Variants in ECE1 observed in about 807,000 individuals in gnomAD.
The protein encoded by ECE1 is endothelin-converting enzyme 1.
In ECE1, 35 loss-of-function variants were observed where a neutral mutation model predicts 98.6. That is an observed-to-expected ratio of 0.35 (90% CI 0.27 to 0.47). ECE1 has a LOEUF of 0.47. Ranked by LOEUF, ECE1 falls within the 20% of genes least tolerant of loss-of-function variation. The probability of loss-of-function intolerance (pLI) is 1.00; values close to 1 mark genes in which losing one functional copy is unlikely to be tolerated. For synonymous variants in ECE1, 394 were observed against 407.1 expected (o/e 0.97, Z 0.39); for missense variants, 814 against 1,025.3 (o/e 0.79, Z 2.81).
intron 1 of ECE1, among the ~76,000 whole-genome samples, chr1:21,326,768 GC>G (rs1363890968): frequency 3.9e-5 from 6 of 152,148 alleles, no homozygotes; most frequent in Non-Finnish European, 8.8e-5. Flanking sequence ...TAAGACAGCA[GC>G]CAGCAGCCTG....
Position 21,333,258 on chromosome 1 carries a change from T to C in ECE1, c.3+12118A>G, listed in dbSNP as rs753423872. On this transcript the variant is annotated intron_variant, in intron 1 of 18. Coordinates refer to the ECE1 transcript ENST00000415912. ...GCTGCCCAGTTTTTCACCCGGGACC[T>C]GCACTTAGTGCCTCCGCCTCCCCCA... 3.4e-5 allele frequency among the ~76,000 whole-genome samples: 5 copies of C among 146,840 alleles called. No homozygotes were observed. The Admixed American group carries it at 3.4e-4, about 10-fold the overall frequency.
intron 1 of ECE1, among the ~76,000 whole-genome samples, chr1:21,324,382 G>A (rs561044327): frequency 6.6e-6 from 1 of 152,310 alleles, no homozygotes; most frequent in Admixed American, 6.5e-5. Flanking sequence ...CCATCAGTGC[G>A]GGACTGACAG....
intron 14 of ECE1, among the ~76,000 whole-genome samples, chr1:21,228,419 G>GA (rs774899591): frequency 6.6e-6 from 1 of 152,134 alleles, no homozygotes; most frequent in Non-Finnish European, 1.5e-5. Context: ...TATAAATAAG[G>GA]AATCAGTTAA....
chr1:21,236,150 T>G (rs1558374644), intron 12 of ECE1, among the ~76,000 whole-genome samples: 1 of 152,272 alleles, frequency 6.6e-6, no homozygotes, highest in Admixed American at 6.5e-5. Context: ...AAGTCTTCCC[T>G]GACTCCCATC....
At position 21,345,158 on chromosome 1, in the gene ECE1, G is replaced by A. The variant is rs1639474169; in HGVS notation, c.3+218C>T. ...GACCAGAACCAAGCTCGGCGCGGCC[G>A]CCCCCGACGGGACCAAGCGCAGCGC... On this transcript the variant is annotated intron_variant, in intron 1 of 18. Transcript: ENST00000415912. This position sits in a 1 kb window ranked among gnomAD's most constrained non-coding sequence, Gnocchi z 5.1. 1.3e-5 allele frequency: 6 copies of A among 472,642 alleles called. No individual in the cohort carries two copies. Among genetic ancestry groups the A allele is most frequent in the Non-Finnish European group, 1.8e-5 (6 of 333,516 alleles). 29.3% of individuals were successfully genotyped at this position (472,642 alleles called of 1,614,324 possible).
At chr1:21,279,570 G>C (rs542928472) in intron 2 of ECE1, 3 of 1,441,844 alleles carry the variant, frequency 2.1e-6, no homozygotes, top group East Asian at 5.0e-5. Flanking sequence ...GCCCCGACAG[G>C]CTTGTTTTTT....
At position 21,238,215 on chromosome 1, in the gene ECE1, C is replaced by T. The variant is rs1459119807; in HGVS notation, c.1308G>A (p.Val436=). Residue 436 remains valine (V), a synonymous_variant, in exon 11 of 19, where the codon GTG becomes GTA. Transcript: ENST00000374893. ...AGCCCAGGTTGTTTTCTGTGTCACT[C>T]ACGCAAAACTTCCAGCGAGGAAGAC... The part of the protein sequence containing the change: ...KTCLPRWKFC[V]SDTENNLGFA... The T allele has an allele frequency of 1.2e-6, 2 of 1,614,252 alleles. No individual in the cohort carries two copies. Among genetic ancestry groups the T allele is most frequent in the Non-Finnish European group, 1.7e-6 (2 of 1,180,042 alleles).
Position 21,272,853 on chromosome 1 carries a change from G to T in ECE1, c.339C>A (p.Ser113Arg), listed in dbSNP as rs775183569. ...ACVSVTSSIL[S>R]SMDPTVDPCH... ...AGGGGTCCACTGTGGGGTCCATGGA[G>T]CTCAAGATGGAGCTGGTCACTGAGA... Residue 113 changes from serine to arginine, a missense_variant, in exon 4 of 19, where the codon AGC (serine) becomes AGA (arginine). This residue lies in a region of ECE1 where 257 missense variants were observed against 278.9 expected (regional missense o/e 0.92). Coordinates refer to ENST00000374893, the MANE Select transcript of ECE1 (RefSeq NM_001397.3). 5 of 1,614,152 alleles carry T rather than the reference G, an allele frequency of 3.1e-6. No individual in the cohort carries two copies. The highest frequency in any genetic ancestry group is 3.3e-5 in the Admixed American group (2 of 60,010).
At chr1:21,244,638 G>A (rs212509) in intron 10 of ECE1, among the ~76,000 whole-genome samples, 10,787 of 152,184 alleles carry the variant, frequency 0.071, 1,236 homozygotes, top group African/African-American at 0.24. Flanking sequence ...CAGTCGCGTG[G>A]TGCTTCTAAG....
At chr1:21,270,098 G>A (rs2098238556) in intron 4 of ECE1, among the ~76,000 whole-genome samples, 3 of 152,232 alleles carry the variant, frequency 2.0e-5, no homozygotes, top group Admixed American at 2.0e-4. Context: ...TGGGAAGCTA[G>A]AGGGCCTGTC....
chr1:21,273,588 A>G (rs2098243075), intron 3 of ECE1, among the ~76,000 whole-genome samples: 1 of 152,184 alleles, frequency 6.6e-6, no homozygotes, highest in African/African-American at 2.4e-5. Flanking sequence ...AGGAAAGCCT[A>G]TTAGAAATAG....
chr1:21,321,138 C>T (rs1176098712), intron 1 of ECE1, among the ~76,000 whole-genome samples: 1 of 152,172 alleles, frequency 6.6e-6, no homozygotes, highest in Non-Finnish European at 1.5e-5. Flanking sequence ...GCCAAGGGTC[C>T]CAGAGCTAGT....
At chr1:21,254,346 T>C (rs190501731) in intron 8 of ECE1, among the ~76,000 whole-genome samples, 3 of 152,260 alleles carry the variant, frequency 2.0e-5, no homozygotes, top group Non-Finnish European at 1.5e-5. Flanking sequence ...TCCCAGCACT[T>C]AGAGCTCCAA....
chr1:21,255,299 T>C (rs1243975233), intron 8 of ECE1, among the ~76,000 whole-genome samples: 3 of 152,188 alleles, frequency 2.0e-5, no homozygotes, highest in Non-Finnish European at 4.4e-5. Flanking sequence ...GCCATTCTGC[T>C]GATCCCTCTG....
chr1:21,264,623 T>C (rs1454958548), intron 4 of ECE1, among the ~76,000 whole-genome samples: 1 of 152,160 alleles, frequency 6.6e-6, no homozygotes. Context: ...CCCCAATTCC[T>C]GAAATTGGCC....
At chr1:21,236,629 A>G in intron 12 of ECE1, 117 bp downstream of exon 12, 1 of 1,014,188 alleles carries the variant, frequency 9.9e-7, no homozygotes, top group Non-Finnish European at 1.5e-6. Context: ...AGCCTGGGTA[A>G]CAAGAACGAA....
chr1:21,260,434 G>A lies in ECE1; in HGVS notation c.494-42C>T, dbSNP rs1022470044. 2 of 1,612,840 alleles carry A rather than the reference G, an allele frequency of 1.2e-6. No homozygotes were observed. Among genetic ancestry groups the A allele is most frequent in the African/African-American group, 2.7e-5 (2 of 74,926 alleles). On this transcript the variant is annotated intron_variant, in intron 4 of 18. Transcript: ENST00000374893. This position sits in a 1 kb window ranked among gnomAD's most constrained non-coding sequence, Gnocchi z 4.3. ...TGGAGTTTGCAATGCGGCCCCACTT[G>A]CCCACTGGGTGGCTTTGGGGCAGTC...
intron 1 of ECE1, among the ~76,000 whole-genome samples, chr1:21,297,508 C>T (rs1355141058): frequency 2.0e-5 from 3 of 150,794 alleles, no homozygotes; most frequent in Non-Finnish European, 4.4e-5. Context: ...TAGCTCCTGG[C>T]AGAACTTTCT....
intron 10 of ECE1, among the ~76,000 whole-genome samples, chr1:21,243,929 A>G (rs1182210046): frequency 6.6e-6 from 1 of 152,232 alleles, no homozygotes; most frequent in African/African-American, 2.4e-5. Flanking sequence ...CTTCTCCCTC[A>G]GTCCCCTTCC....
Sources: allele counts gnomAD v4.1 joint callset (sites outside exome capture counted in the v4.1 genomes callset), GRCh38; gene constraint gnomAD v4.1.1; regional missense constraint gnomAD v4.1.1; non-coding constraint Gnocchi (gnomAD v3.1); transcripts MANE v1.5; gene names NCBI Gene and HGNC (gene_info 2026-07-23, HGNC 2026-07-21).